The following NAALADL2 variants were observed in gnomAD, a reference collection of about 807,000 sequenced individuals.
The protein encoded by NAALADL2 is inactive N-acetylated-alpha-linked acidic dipeptidase-like protein 2.
In NAALADL2, 76 loss-of-function variants were observed where a neutral mutation model predicts 87.2. The observed-to-expected ratio is 0.87, with a 90% CI of 0.72 to 1.05. The LOEUF (loss-of-function observed/expected upper bound fraction) is 1.05. Among genes scored for constraint, NAALADL2 ranks in the 50% least tolerant of loss-of-function variants. The pLI is 0.00. For synonymous variants in NAALADL2, 354 were observed against 331.0 expected, an observed-to-expected ratio of 1.07 and a Z score of -0.75; for missense variants, 1,089 against 945.8, an observed-to-expected ratio of 1.15 and a Z score of -1.99.
intron 11 of NAALADL2, among the ~76,000 whole-genome samples, chr3:175,688,694 G>A (rs944481301): frequency 1.3e-5 from 2 of 152,056 alleles, no homozygotes; most frequent in African/African-American, 4.8e-5. Context: ...GGTGGATGGA[G>A]GGGAAGGGCT....
intron 3 of NAALADL2, among the ~76,000 whole-genome samples, chr3:174,841,320 G>A (rs912962854): frequency 6.6e-6 from 1 of 152,116 alleles, no homozygotes; most frequent in Non-Finnish European, 1.5e-5. Context: ...TAAGTGAAAA[G>A]AATAGAATGT....
At chr3:175,444,992 T>C (rs1720458866) in intron 5 of NAALADL2, among the ~76,000 whole-genome samples, 1 of 152,206 alleles carries the variant, frequency 6.6e-6, no homozygotes, top group South Asian at 2.1e-4. Flanking sequence ...TCCTGTAGCC[T>C]GGATACCAGT....
At chr3:175,179,824 T>C (rs770708925) in intron 2 of NAALADL2, among the ~76,000 whole-genome samples, 17 of 152,062 alleles carry the variant, frequency 1.1e-4, no homozygotes, top group Non-Finnish European at 1.8e-4. Context: ...GCTTGATTTA[T>C]ACTGGTTCAG....
At chr3:175,076,558 C>A (rs1215855334) in intron 1 of NAALADL2, among the ~76,000 whole-genome samples, 1 of 152,122 alleles carries the variant, frequency 6.6e-6, no homozygotes, top group Non-Finnish European at 1.5e-5. Flanking sequence ...AAAATGACGA[C>A]CCTGCTAATA....
At chr3:175,470,282 T>C (rs550962672) in intron 8 of NAALADL2, among the ~76,000 whole-genome samples, 4 of 152,230 alleles carry the variant, frequency 2.6e-5, no homozygotes, top group South Asian at 2.1e-4. Context: ...TTCTATTATA[T>C]ATTGTGTGGC....
intron 13 of NAALADL2, among the ~76,000 whole-genome samples, chr3:175,785,171 G>C (rs2150231548): frequency 6.7e-6 from 1 of 150,314 alleles, no homozygotes; most frequent in South Asian, 2.1e-4. Flanking sequence ...TGTAAAAAAT[G>C]TATATTCTGT....
At chr3:175,406,394 T>C (rs370959815) in intron 5 of NAALADL2, among the ~76,000 whole-genome samples, 1 of 152,276 alleles carries the variant, frequency 6.6e-6, no homozygotes, top group East Asian at 1.9e-4. Flanking sequence ...TCTGTGAAGT[T>C]AGAGATTAAT....
intron 3 of NAALADL2, among the ~76,000 whole-genome samples, chr3:174,844,799 C>T (rs1359540670): frequency 3.1e-5 from 4 of 129,716 alleles, no homozygotes; most frequent in Admixed American, 2.3e-4. Context: ...ATTTTTTATC[C>T]TGCAATTTTA....
At chr3:174,932,324 G>A (rs1276700284) in intron 1 of NAALADL2, among the ~76,000 whole-genome samples, 1 of 152,176 alleles carries the variant, frequency 6.6e-6, no homozygotes, top group Non-Finnish European at 1.5e-5. Context: ...AATAAGCATA[G>A]TGACATTATA....
At position 175,677,328 on chromosome 3, in the gene NAALADL2, A is replaced by C. The variant is rs112265428; in HGVS notation, c.1896+49942A>C. 7.7e-3 allele frequency among the ~76,000 whole-genome samples: 1,176 copies of C among 152,090 alleles called. 16 individuals are homozygous for C. The highest frequency in any genetic ancestry group is 0.027 in the African/African-American group (1,108 of 41,476). ...CAGTGAGCCAAGATCGTGCCCTTGC[A>C]CTCCAGCCTGGCAACAGAGTGAGAC... is the stretch of plus-strand genomic sequence containing the variant. On this transcript the variant is annotated intron_variant, in intron 11 of 13. Coordinates refer to ENST00000454872, the MANE Select transcript of NAALADL2 (RefSeq NM_207015.3).
At chr3:174,861,357 T>A (rs930193080) in intron 1 of NAALADL2, among the ~76,000 whole-genome samples, 4 of 152,086 alleles carry the variant, frequency 2.6e-5, no homozygotes, top group African/African-American at 9.7e-5. Flanking sequence ...GGCAATGGAA[T>A]GCCTTAACAT....
At chr3:175,750,870 A>G (rs1262727249) in intron 12 of NAALADL2, among the ~76,000 whole-genome samples, 2 of 152,192 alleles carry the variant, frequency 1.3e-5, no homozygotes, top group African/African-American at 4.8e-5. Context: ...TTAATCTTCT[A>G]TGTCTTTGCT....
chr3:175,211,568 C>T (rs1016725142), intron 2 of NAALADL2, among the ~76,000 whole-genome samples: 1 of 151,888 alleles, frequency 6.6e-6, no homozygotes, highest in Non-Finnish European at 1.5e-5. Flanking sequence ...GTTGGCCATT[C>T]CTACAGATTC....
intron 1 of NAALADL2, among the ~76,000 whole-genome samples, chr3:174,544,878 A>T (rs1722592811): frequency 1.3e-5 from 2 of 150,608 alleles, no homozygotes; most frequent in African/African-American, 2.4e-5. Flanking sequence ...CTCAATTTTT[A>T]TTTATTTATT....
intron 2 of NAALADL2, among the ~76,000 whole-genome samples, chr3:174,702,985 AAG>A (rs1418008268): frequency 6.6e-6 from 1 of 152,226 alleles, no homozygotes; most frequent in African/African-American, 2.4e-5. Context: ...AAAGAAAACA[AAG>A]AGCTGAAAAA....
intron 1 of NAALADL2, among the ~76,000 whole-genome samples, chr3:175,084,076 G>T (rs1311800489): frequency 6.6e-6 from 1 of 152,176 alleles, no homozygotes; most frequent in Non-Finnish European, 1.5e-5. Flanking sequence ...CTTTGGAAAG[G>T]AATCTGCAAT....
chr3:174,637,610 C>T (rs1029959894), intron 2 of NAALADL2, among the ~76,000 whole-genome samples: 1 of 152,000 alleles, frequency 6.6e-6, no homozygotes, highest in African/African-American at 2.4e-5. Flanking sequence ...TGAACACTGT[C>T]CAAATATAGG....
chr3:175,283,310 A>T (rs994576647), intron 4 of NAALADL2, among the ~76,000 whole-genome samples: 2 of 152,114 alleles, frequency 1.3e-5, no homozygotes, highest in Admixed American at 1.3e-4. Context: ...GATTGACTGC[A>T]GTTTGCATTT....
intron 13 of NAALADL2, among the ~76,000 whole-genome samples, chr3:175,776,639 CTG>C (rs1369940813): frequency 6.6e-6 from 1 of 152,064 alleles, no homozygotes; most frequent in Non-Finnish European, 1.5e-5. Flanking sequence ...ATCTCGAAGA[CTG>C]GACTCTGATC....
Sources: gnomAD v4.1 joint callset for allele counts (sites outside exome capture counted in the v4.1 genomes callset) on GRCh38, gnomAD v4.1.1 for gene constraint, MANE v1.5 for transcripts, NCBI Gene and HGNC (gene_info 2026-07-23, HGNC 2026-07-21) for gene names.